Variants in MGRN1 observed in about 807,000 individuals in gnomAD.
The protein encoded by MGRN1 is E3 ubiquitin-protein ligase MGRN1.
MGRN1 carries 29 observed loss-of-function variants against 69.2 expected under a neutral mutation model. The observed-to-expected ratio is 0.42, with a 90% confidence interval of 0.31 to 0.57. The LOEUF (loss-of-function observed/expected upper bound fraction) is 0.57. Ranked by LOEUF, MGRN1 falls within the 20% of genes least tolerant of loss-of-function variation. The probability of loss-of-function intolerance (pLI) is 0.15; values close to 1 mark genes in which losing one functional copy is unlikely to be tolerated. For synonymous variants in MGRN1, 470 were observed against 344.2 expected, an observed-to-expected ratio of 1.37 and a Z score of -4.04; for missense variants, 998 against 796.2, an observed-to-expected ratio of 1.25 and a Z score of -3.05.
intron 4 of MGRN1, among the ~76,000 whole-genome samples, chr16:4,655,013 G>A (rs1013091126): frequency 6.6e-5 from 10 of 152,192 alleles, no homozygotes; most frequent in African/African-American, 1.9e-4. Flanking sequence ...GACAGGCGTC[G>A]AATTCTTGGG....
At chr16:4,670,425 T>C (rs967870428) in intron 8 of MGRN1, among the ~76,000 whole-genome samples, 7 of 152,220 alleles carry the variant, frequency 4.6e-5, no homozygotes, top group African/African-American at 1.7e-4. Context: ...GTATTTTTTG[T>C]AGAGATGAGG....
chr16:4,684,273 C>T (rs1051513652), intron 16 of MGRN1, among the ~76,000 whole-genome samples: 1 of 152,246 alleles, frequency 6.6e-6, no homozygotes, highest in Non-Finnish European at 1.5e-5. Flanking sequence ...CTGCTCACGC[C>T]AGGAGGGCAG....
intron 2 of MGRN1, chr16:4,650,761 CA>C (rs1237210837): frequency 3.1e-6 from 1 of 319,360 alleles, no homozygotes; most frequent in Non-Finnish European, 5.7e-6. Context: ...GGCTGCGGAA[CA>C]TGGTGGATTT....
chr16:4,667,749 G>T (rs1474872462), intron 7 of MGRN1, among the ~76,000 whole-genome samples: 1 of 152,186 alleles, frequency 6.6e-6, no homozygotes, highest in Non-Finnish European at 1.5e-5. Context: ...CCTGGATACC[G>T]CCGGGTGTGC....
intron 1 of MGRN1, among the ~76,000 whole-genome samples, chr16:4,630,334 G>A (rs1394008342): frequency 3.4e-5 from 5 of 145,760 alleles, no homozygotes; most frequent in Non-Finnish European, 6.0e-5. Flanking sequence ...CAGCCTGAGC[G>A]ACAGAGTGAG....
In MGRN1 at chr16:4,624,929, C is replaced by T. The variant is rs745328089; in HGVS notation, c.-32C>T. ...CCGCTGTCGCCGCTCCCGTTCCGGC[C>T]CTGGCCCCTCTGCCCGGCAGCGCCG... On this transcript the variant is annotated 5_prime_UTR_variant, in exon 1 of 17. Coordinates refer to ENST00000262370, the MANE Select transcript of MGRN1 (RefSeq NM_015246.4). 1.7e-5 allele frequency: 25 copies of T among 1,507,522 alleles called. No individual in the cohort carries two copies. The highest frequency in any genetic ancestry group is 2.9e-5 in the African/African-American group (2 of 69,198). 93.4% of individuals were successfully genotyped at this position (1,507,522 alleles called of 1,614,324 possible). A position where few individuals can be genotyped will look rare whatever the true frequency, so the allele number is the denominator to read the frequency against.
intron 1 of MGRN1, among the ~76,000 whole-genome samples, chr16:4,639,225 AG>A (rs1325999297): frequency 1.3e-5 from 2 of 152,064 alleles, no homozygotes; most frequent in African/African-American, 2.4e-5. Flanking sequence ...GGGAGGACAG[AG>A]GGAACCAACA....
chr16:4,656,935 C>A (rs959591851), intron 4 of MGRN1, among the ~76,000 whole-genome samples: 15 of 151,402 alleles, frequency 9.9e-5, no homozygotes, highest in Admixed American at 7.9e-4. Context: ...ATAAACAAAC[C>A]AACTTAGCAC....
intron 7 of MGRN1, among the ~76,000 whole-genome samples, 155 bp from the exon 8 acceptor site, chr16:4,668,110 C>A (rs1354132846): frequency 6.6e-6 from 1 of 151,038 alleles, no homozygotes; most frequent in African/African-American, 2.4e-5. Flanking sequence ...CTTTCGCTGT[C>A]AAGTGGCCCC....
At chr16:4,654,476 C>T (rs916477942) in intron 4 of MGRN1, among the ~76,000 whole-genome samples, 1 of 152,268 alleles carries the variant, frequency 6.6e-6, no homozygotes, top group African/African-American at 2.4e-5. Context: ...TGCCTCCAGG[C>T]TACAAGGGCA....
chr16:4,640,322 A>C (rs964455784), intron 1 of MGRN1: 5 of 152,412 alleles, frequency 3.3e-5, no homozygotes, highest in Admixed American at 3.3e-4. Context: ...AGAGATGACA[A>C]ACGTATGTAT....
intron 10 of MGRN1, among the ~76,000 whole-genome samples, chr16:4,674,409 C>T (rs1567225484): frequency 6.6e-6 from 1 of 151,898 alleles, no homozygotes; most frequent in African/African-American, 2.4e-5. Flanking sequence ...CTGCCTCAGC[C>T]TCCTGAGTAG....
At position 4,686,125 on chromosome 16, in the gene MGRN1, CTG is replaced by C. The variant is rs1409480663; in HGVS notation, c.1618+2196_1618+2197del. ...CAGCTGTGGTTCTCCTTGTGGTTCT[CTG>C]TGGTTGCAGCAGAGTGTTTGTTTCT... On this transcript the variant is annotated intron_variant, in intron 16 of 16. Transcript: ENST00000262370. 3.0e-5 allele frequency: 32 copies of C among 1,072,378 alleles called. 1 individual carries two copies. The African/African-American group carries it at 5.0e-4, about 17-fold the overall frequency. 66.4% of individuals were successfully genotyped at this position (1,072,378 alleles called of 1,614,324 possible).
intron 4 of MGRN1, among the ~76,000 whole-genome samples, chr16:4,655,442 T>G (rs543531428): frequency 6.6e-6 from 1 of 151,770 alleles, no homozygotes; most frequent in East Asian, 1.9e-4. Context: ...CAAGGCCAGC[T>G]TCCCCTCCCA....
intron 10 of MGRN1, chr16:4,677,085 G>A (rs575042554): frequency 1.2e-5 from 2 of 172,962 alleles, no homozygotes; most frequent in African/African-American, 4.7e-5. Flanking sequence ...ACGCTTTGGG[G>A]GTCATGGCCA....
intron 1 of MGRN1, among the ~76,000 whole-genome samples, chr16:4,626,400 C>T (rs1897680476): frequency 6.6e-6 from 1 of 152,184 alleles, no homozygotes; most frequent in Non-Finnish European, 1.5e-5. Context: ...CCTCTTTCAT[C>T]TCTGATATTC....
chr16:4,683,556 CAAAA>C (rs60937592), intron 15 of MGRN1, among the ~76,000 whole-genome samples: 1 of 143,196 alleles, frequency 7.0e-6, no homozygotes, highest in African/African-American at 2.6e-5. Flanking sequence ...TTTCTATGAC[CAAAA>C]AAAAAAAAGC....
intron 5 of MGRN1, among the ~76,000 whole-genome samples, chr16:4,659,328 G>A (rs1453825824): frequency 2.0e-5 from 3 of 152,264 alleles, no homozygotes; most frequent in South Asian, 2.1e-4. Context: ...GAGCTCTGGG[G>A]AGTGGGAGTT....
chr16:4,626,005 G>A (rs956627515), intron 1 of MGRN1, among the ~76,000 whole-genome samples: 1 of 152,242 alleles, frequency 6.6e-6, no homozygotes, highest in Non-Finnish European at 1.5e-5. Flanking sequence ...AGGTCCACAA[G>A]TGGGGGAGGA....
Sources: allele counts gnomAD v4.1 joint callset (sites outside exome capture counted in the v4.1 genomes callset), GRCh38; gene constraint gnomAD v4.1.1; transcripts MANE v1.5; gene names NCBI Gene and HGNC (gene_info 2026-07-23, HGNC 2026-07-21).